NAALADL1: variants seen among roughly 807,000 people sequenced by gnomAD.
The protein encoded by NAALADL1 is aminopeptidase NAALADL1.
Under a neutral mutation model 82.8 loss-of-function variants are expected in NAALADL1, and 77 were observed. The ratio of observed to expected loss-of-function variants is 0.93; its 90% CI spans 0.77 to 1.12. The LOEUF is 1.12. NAALADL1 is among the 50% of genes most tolerant of loss of function. NAALADL1 has a pLI of 0.00. For missense variants in NAALADL1, 956 were observed against 964.0 expected, an observed-to-expected ratio of 0.99 and a Z score of 0.11; for synonymous variants, 358 against 399.2, an observed-to-expected ratio of 0.90 and a Z score of 1.23.
Position 65,054,711 on chromosome 11 carries a change from C to T in NAALADL1, c.631G>A (p.Ala211Thr). ...KAVNAAKHGV[A>T]GVLVYTDPAD... Reference sequence around the variant, plus strand: ...GGGTCTGTGTACACCAGCACCCCAGCTACCCCGTGCTTGGCAGCGTTCACA... The same window carrying T: ...GGGTCTGTGTACACCAGCACCCCAGTTACCCCGTGCTTGGCAGCGTTCACA... Residue 211 changes from alanine (A) to threonine (T), a missense_variant, in exon 5 of 18, where the codon GCT becomes ACT. Coordinates refer to ENST00000358658, the MANE Select transcript of NAALADL1 (RefSeq NM_005468.3). This position sits in a 1 kb window ranked among gnomAD's most constrained non-coding sequence, Gnocchi z 4.3. 1.2e-6 allele frequency: 2 copies of T among 1,613,930 alleles called. No homozygotes were observed. Among genetic ancestry groups the T allele is most frequent in the Non-Finnish European group, 1.7e-6 (2 of 1,179,942 alleles).
Position 65,045,116 on chromosome 11 carries a change from G to T in NAALADL1, c.*155C>A. 1.2e-6 allele frequency: 1 copy of T among 820,444 alleles called. No individual in the cohort carries two copies. Among genetic ancestry groups the T allele is most frequent in the Non-Finnish European group, 1.9e-6 (1 of 533,808 alleles). 50.8% of individuals were successfully genotyped at this position (820,444 alleles called of 1,614,324 possible). Reference sequence around the variant, plus strand: ...ATGAGGGTGAGTTGCATTAGGGCTTGCCACTCCCCTCAGGGACCTCAAGCT... The same window carrying T: ...ATGAGGGTGAGTTGCATTAGGGCTTTCCACTCCCCTCAGGGACCTCAAGCT... On this transcript the variant is annotated 3_prime_UTR_variant, in exon 18 of 18. Transcript: ENST00000358658.
chr11:65,059,782 TG>T (rs547069351), upstream of NAALADL1, among the ~76,000 whole-genome samples: 47 of 152,328 alleles, frequency 3.1e-4, no homozygotes, highest in Admixed American at 6.5e-4. Context: ...TTCAGCCATG[TG>T]GTAAGTGCCC....
At chr11:65,060,475 G>T (rs1369796362), upstream of NAALADL1, among the ~76,000 whole-genome samples, 2 of 152,138 alleles carry the variant, frequency 1.3e-5, no homozygotes, top group African/African-American at 4.8e-5. Flanking sequence ...GGATGCCAAG[G>T]TCAGCTGATA....
intron 17 of NAALADL1, 99 bp downstream of exon 17, chr11:65,045,723 C>T (rs1946704666): frequency 8.3e-7 from 1 of 1,203,460 alleles, no homozygotes; most frequent in Non-Finnish European, 1.2e-6. Flanking sequence ...GGCTGGGTTG[C>T]ACTCTAAAGG....
Position 65,047,476 on chromosome 11 carries a change from C to T in NAALADL1, c.1598G>A (p.Arg533Gln). Reference sequence around the variant, plus strand: ...AGGGACGGAGGGGCGCCTGCTCACCCGGTCATAGGTATAGGCAATGTCCAT... The same window carrying T: ...AGGGACGGAGGGGCGCCTGCTCACCTGGTCATAGGTATAGGCAATGTCCAT... Reference protein sequence around the residue: ...SSMDIAYTYDRSKTSARIYPT... With the variant: ...SSMDIAYTYDQSKTSARIYPT... The change falls in exon 13 of 18, where the codon CGG becomes CAG. Residue 533 changes from arginine to glutamine, a missense_variant and splice_region_variant. Transcript: ENST00000358658. 2.6e-6 allele frequency: 4 copies of T among 1,560,006 alleles called. No individual in the cohort carries two copies. The highest frequency in any genetic ancestry group is 1.2e-5 in the South Asian group (1 of 84,492).
At chr11:65,052,321 C>CT (rs1267390645) in intron 8 of NAALADL1, among the ~76,000 whole-genome samples, 49 of 145,636 alleles carry the variant, frequency 3.4e-4, no homozygotes, top group African/African-American at 4.5e-4. Context: ...CTGCTCCCCG[C>CT]TTTTTTTTTT....
upstream of NAALADL1, among the ~76,000 whole-genome samples, chr11:65,060,727 C>T (rs1947174031): frequency 6.6e-6 from 1 of 152,150 alleles, no homozygotes; most frequent in South Asian, 2.1e-4. Flanking sequence ...AGGCACCAGA[C>T]GTTAACTTAG....
Position 65,053,307 on chromosome 11 carries a change from T to C in NAALADL1, c.1109A>G (p.Asp370Gly), listed in dbSNP as rs1946940712. 3 of 1,562,732 alleles carry C rather than the reference T, an allele frequency of 1.9e-6. No homozygotes were observed. The South Asian group carries it at 3.5e-5, about 18-fold the overall frequency. ...GTCCACAGCCCCGTGCACCCAGCTG[T>C]CTCGGTGGTTCCCATACAGCACGTA... ...DRYVLYGNHR[D>G]SWVHGAVDPS... Residue 370 changes from aspartate to glycine, a missense_variant, in exon 8 of 18, where the codon GAC becomes GGC. Physicochemically the swap from Asp to Gly is moderately conservative, Grantham distance 94 (BLOSUM62 -1). Transcript: ENST00000358658. The surrounding 1 kb of genome is among the most constrained non-coding windows in gnomAD (Gnocchi z 4.3).
rs1317472423 is a variant in NAALADL1, at chr11:65,045,175, G to A, written c.*96C>T. ...AGAAGCTTGAGAGGGTCCTGTGGTA[G>A]TGCCCTCTTCTGGCACCAAGGAAGA... On this transcript the variant is annotated 3_prime_UTR_variant, in exon 18 of 18. Transcript: ENST00000358658. 1.5e-6 allele frequency: 2 copies of A among 1,369,856 alleles called. No homozygotes were observed. Among genetic ancestry groups the A allele is most frequent in the Non-Finnish European group, 2.0e-6 (2 of 1,007,658 alleles). The allele number at this position is 1,369,856 out of a possible 1,614,324, so 84.9% of individuals were successfully genotyped here.
chr11:65,060,487 G>A (rs988662477), upstream of NAALADL1, among the ~76,000 whole-genome samples: 1 of 152,150 alleles, frequency 6.6e-6, no homozygotes, highest in Non-Finnish European at 1.5e-5. Flanking sequence ...CAGCTGATAA[G>A]TTGAGGGACT....
chr11:65,058,336 C>A lies in NAALADL1; in HGVS notation c.185+1G>T, dbSNP rs1204079981. ...GAGGAGCAGATGGCCCCACTTCTCA[C>A]CTGAGGTTCTCCCGGATCCTGTGGG... On this transcript the variant is annotated splice_donor_variant, in intron 1 of 17. Coordinates refer to ENST00000358658, the MANE Select transcript of NAALADL1 (RefSeq NM_005468.3). LOFTEE classifies it high-confidence loss of function. 1.2e-6 allele frequency: 2 copies of A among 1,613,982 alleles called. No individual in the cohort carries two copies. Among genetic ancestry groups the A allele is most frequent in the Admixed American group, 1.7e-5 (1 of 59,994 alleles).
intron 8 of NAALADL1, among the ~76,000 whole-genome samples, chr11:65,050,642 T>C (rs991452363): frequency 6.6e-6 from 1 of 151,134 alleles, no homozygotes; most frequent in Non-Finnish European, 1.5e-5. Flanking sequence ...ATACAAAAAT[T>C]AGCCAGGCGT....
rs748031186 is a variant in NAALADL1 at position 65,046,341 on chromosome 11, A to G, written c.1703T>C (p.Val568Ala). The change falls in exon 15 of 18, where the codon GTG becomes GCG. Residue 568 changes from valine to alanine, a missense_variant. By Grantham distance (64) the Val-to-Ala change is moderately conservative. Transcript: ENST00000358658. ...AATCACACTCCCCGCTGTCCGGGCC[A>G]CAGCCTGATGGCTGCTGAAGCCTGC... ...LDPGFSSHQA[V>A]ARTAGSVILR... 43 of 1,614,112 alleles carry G rather than the reference A, an allele frequency of 2.7e-5. No individual in the cohort carries two copies. The highest frequency in any genetic ancestry group is 3.5e-5 in the Non-Finnish European group (41 of 1,180,054).
intron 17 of NAALADL1, 26 bp downstream of exon 17, chr11:65,045,796 C>T: frequency 6.8e-6 from 11 of 1,607,862 alleles, no homozygotes; most frequent in Non-Finnish European, 9.4e-6. Context: ...CTGGAGGCAC[C>T]TCCCAGGACT....
At position 65,058,087 on chromosome 11, in the gene NAALADL1, C is replaced by T. The variant is rs762252374; in HGVS notation, c.349G>A (p.Val117Met). The T allele has an allele frequency of 1.2e-5, 19 of 1,609,974 alleles. No homozygotes were observed. The highest frequency in any genetic ancestry group is 4.0e-5 in the African/African-American group (3 of 74,862). Residue 117 changes from valine (V) to methionine (M), a missense_variant, in exon 2 of 18, where the codon GTG (valine) becomes ATG (methionine). By Grantham distance (21) the Val-to-Met change is conservative (BLOSUM62 1). Coordinates refer to ENST00000358658, the MANE Select transcript of NAALADL1 (RefSeq NM_005468.3). ...CTGGGCAGGACCTCACCGATGTCCA[C>T]GACGTTGGGCTGCTCCTGGCTAGGG... ...SFPSQEQPNV[V>M]DIVGPTGGII...
Position 65,053,092 on chromosome 11 carries a change from G to A in NAALADL1, c.1198+126C>T. Reference sequence around the variant, plus strand: ...TGCTGCAGGCCAAGGCTGGTGTCATGCATGTCTGCCCCCAGGGCCCTCAGG... The same window carrying A: ...TGCTGCAGGCCAAGGCTGGTGTCATACATGTCTGCCCCCAGGGCCCTCAGG... On this transcript the variant is annotated intron_variant, in intron 8 of 17. Coordinates refer to ENST00000358658, the MANE Select transcript of NAALADL1 (RefSeq NM_005468.3). This position sits in a 1 kb window ranked among gnomAD's most constrained non-coding sequence, Gnocchi z 4.3. The A allele has an allele frequency of 3.3e-6, 4 of 1,227,876 alleles. No homozygotes were observed. The highest frequency in any genetic ancestry group is 4.4e-6 in the Non-Finnish European group (4 of 901,884). 76.1% of individuals were successfully genotyped at this position (1,227,876 alleles called of 1,614,324 possible).
chr11:65,048,031 C>A lies in NAALADL1; in HGVS notation c.1366G>T (p.Val456Leu). Residue 456 changes from valine to leucine, a missense_variant, in exon 11 of 18, where the codon GTG becomes TTG. By Grantham distance (32) the Val-to-Leu change is conservative. Coordinates refer to ENST00000358658, the MANE Select transcript of NAALADL1 (RefSeq NM_005468.3). The part of the protein sequence containing the change: ...ISVFANATLR[V>L]QGTPPVQSVV... ...CTCTGGACAGGGGGCGTCCCCTGCA[C>A]CCTAAGGGTAGCGTTGGCTGTGGGA... The A allele has an allele frequency of 6.2e-7, 1 of 1,613,914 alleles. No homozygotes were observed. Among genetic ancestry groups the A allele is most frequent in the African/African-American group, 1.3e-5 (1 of 74,982 alleles).
In NAALADL1 at chr11:65,053,671, G is replaced by T. The variant is rs151105349; in HGVS notation, c.993-95C>A. The T allele has an allele frequency of 1.5e-3, 1,706 of 1,127,440 alleles. 18 individuals carry two copies. The African/African-American group carries it at 0.022, about 14-fold the overall frequency. The allele number at this position is 1,127,440 out of a possible 1,614,324, so 69.8% of individuals were successfully genotyped here. A position where few individuals can be genotyped will look rare whatever the true frequency, so the allele number is the denominator to read the frequency against. ...CTGAGGCCCGGAGCTGGAAAGTGAC[G>T]TGGCAAGGCCATTCATTGGCCCCGA... On this transcript the variant is annotated intron_variant, in intron 6 of 17. Coordinates refer to ENST00000358658, the MANE Select transcript of NAALADL1 (RefSeq NM_005468.3). This position sits in a 1 kb window ranked among gnomAD's most constrained non-coding sequence, Gnocchi z 4.3.
Position 65,053,718 on chromosome 11 carries a change from G to T in NAALADL1, c.993-142C>A. On this transcript the variant is annotated intron_variant, in intron 6 of 17. Coordinates refer to ENST00000358658, the MANE Select transcript of NAALADL1 (RefSeq NM_005468.3). This position sits in a 1 kb window ranked among gnomAD's most constrained non-coding sequence, Gnocchi z 4.3. Reference sequence around the variant, plus strand: ...CCGAAGTACCAAGAGAGGCAGCAAGGCTGGAGCCAGGCTCTCCTGCCTACT... The same window carrying T: ...CCGAAGTACCAAGAGAGGCAGCAAGTCTGGAGCCAGGCTCTCCTGCCTACT... 1 of 725,732 alleles carries T rather than the reference G, an allele frequency of 1.4e-6. No individual in the cohort carries two copies. Among genetic ancestry groups the T allele is most frequent in the Non-Finnish European group, 2.3e-6 (1 of 444,130 alleles). The allele number at this position is 725,732 out of a possible 1,614,324, so 45.0% of individuals were successfully genotyped here. A position where few individuals can be genotyped will look rare whatever the true frequency, so the allele number is the denominator to read the frequency against.
Sources: allele counts gnomAD v4.1 joint callset (sites outside exome capture counted in the v4.1 genomes callset), GRCh38; gene constraint gnomAD v4.1.1; non-coding constraint Gnocchi (gnomAD v3.1); transcripts MANE v1.5; gene names NCBI Gene and HGNC (gene_info 2026-07-23, HGNC 2026-07-21).